The following PPP1R9A variants were observed in gnomAD, a reference collection of about 807,000 sequenced individuals.
PPP1R9A encodes protein phosphatase 1 regulatory subunit 9A.
Under a neutral mutation model 141.9 loss-of-function variants are expected in PPP1R9A, and 59 were observed. The observed-to-expected ratio is 0.42, with a 90% confidence interval of 0.34 to 0.52. PPP1R9A has a LOEUF of 0.52. Among genes scored for constraint, PPP1R9A ranks in the 20% least tolerant of loss-of-function variants. PPP1R9A has a pLI of 0.10. For missense variants in PPP1R9A, 1,444 were observed against 1,611.9 expected (o/e 0.90, Z 1.78); for synonymous variants, 500 against 569.7 (o/e 0.88, Z 1.74).
intron 16 of PPP1R9A, among the ~76,000 whole-genome samples, chr7:95,277,463 T>G (rs547727246): frequency 6.6e-6 from 1 of 152,216 alleles, no homozygotes. Flanking sequence ...AGTGTCTCAC[T>G]CTGTTGCCCA....
chr7:94,934,985 T>C (rs1292842319), intron 2 of PPP1R9A, among the ~76,000 whole-genome samples: 2 of 152,070 alleles, frequency 1.3e-5, no homozygotes, highest in Non-Finnish European at 2.9e-5. Context: ...CAAGCCTTCC[T>C]AGTAGCTTGG....
chr7:95,269,674 T>A (rs1380805273), intron 14 of PPP1R9A, among the ~76,000 whole-genome samples, 167 bp downstream of exon 14: 1 of 152,176 alleles, frequency 6.6e-6, no homozygotes, highest in Non-Finnish European at 1.5e-5. Flanking sequence ...TATTTTACTT[T>A]AATTTAGTTT....
intron 2 of PPP1R9A, among the ~76,000 whole-genome samples, chr7:95,094,216 T>C (rs914461155): frequency 6.6e-6 from 1 of 152,174 alleles, no homozygotes; most frequent in African/African-American, 2.4e-5. Context: ...AGCCAGATCT[T>C]AGAAGACTTT....
Position 95,250,207 on chromosome 7 carries a change from A to G in PPP1R9A, c.2348A>G (p.Glu783Gly), listed in dbSNP as rs781283934. Residue 783 changes from glutamate to glycine, a missense_variant, in exon 10 of 20, where the codon GAA becomes GGA. By Grantham distance (98) the Glu-to-Gly change is moderately conservative (BLOSUM62 -2). This residue lies in a region of PPP1R9A where 488 missense variants were observed against 542.0 expected (regional missense o/e 0.90). Transcript: ENST00000433360. ...ACTCAAAGCCAGTATCAGGCCTTGG[A>G]AAAGAAATACAACAAGGCAAAGAAG... Reference protein sequence around the residue: ...KETQSQYQALEKKYNKAKKLI... With the variant: ...KETQSQYQALGKKYNKAKKLI... 6.2e-7 allele frequency: 1 copy of G among 1,613,472 alleles called. No individual in the cohort carries two copies. The highest frequency in any genetic ancestry group is 1.1e-5 in the South Asian group (1 of 90,834).
rs1806804721 is a variant in PPP1R9A at position 95,294,365 on chromosome 7, C to G, written c.*4062C>G. The G allele has an allele frequency of 6.7e-6, 1 of 149,060 alleles. No individual in the cohort carries two copies. Among genetic ancestry groups the G allele is most frequent in the Non-Finnish European group, 1.5e-5 (1 of 67,752 alleles). 9.2% of individuals were successfully genotyped at this position (149,060 alleles called of 1,614,324 possible). On this transcript the variant is annotated 3_prime_UTR_variant, in exon 20 of 20. Transcript: ENST00000433360. ...CTTACTGCAGCCTCAAACTCCTGGGCTCAAGTGGTCCTCCTGCTTCAGCTT... is the reference window on the plus strand; with the variant it reads ...CTTACTGCAGCCTCAAACTCCTGGGGTCAAGTGGTCCTCCTGCTTCAGCTT...
At chr7:95,138,819 A>G (rs1826129761) in intron 4 of PPP1R9A, among the ~76,000 whole-genome samples, 2 of 152,238 alleles carry the variant, frequency 1.3e-5, no homozygotes, top group African/African-American at 4.8e-5. Context: ...CACCTAGTAG[A>G]ATGGCTAAAG....
chr7:95,290,335 C>G lies in PPP1R9A; in HGVS notation c.*32C>G, dbSNP rs1385293927. ...CCCTCTTACAGATGATGGAGATGCT[C>G]CAAGAGAAGTCCCCACCTCTTCCTG... On this transcript the variant is annotated 3_prime_UTR_variant, in exon 20 of 20. Coordinates refer to ENST00000433360, the MANE Select transcript of PPP1R9A (RefSeq NM_001166160.2). 1.3e-6 allele frequency: 2 copies of G among 1,577,036 alleles called. No individual in the cohort carries two copies. The highest frequency in any genetic ancestry group is 1.8e-5 in the Admixed American group (1 of 54,716).
At chr7:95,155,515 G>A (rs140941408) in intron 4 of PPP1R9A, 1 of 152,066 alleles carries the variant, frequency 6.6e-6, no homozygotes. Flanking sequence ...GAATCACTTT[G>A]AGGAGAAAGA....
At chr7:95,165,787 C>G (rs1308705432) in intron 5 of PPP1R9A, among the ~76,000 whole-genome samples, 1 of 151,978 alleles carries the variant, frequency 6.6e-6, no homozygotes, top group Non-Finnish European at 1.5e-5. Flanking sequence ...ACAGTGATTG[C>G]TGGGAGAAAA....
At chr7:95,061,643 G>A (rs1205194453) in intron 2 of PPP1R9A, among the ~76,000 whole-genome samples, 1 of 152,106 alleles carries the variant, frequency 6.6e-6, no homozygotes, top group Non-Finnish European at 1.5e-5. Flanking sequence ...GGTTGAGGTG[G>A]GAGGATTGCT....
intron 5 of PPP1R9A, among the ~76,000 whole-genome samples, chr7:95,186,877 A>G (rs1203838617): frequency 6.6e-6 from 1 of 152,090 alleles, no homozygotes; most frequent in East Asian, 1.9e-4. Context: ...ATCATGGTGG[A>G]TTATCTTTTT....
chr7:94,999,349 T>C (rs1802573403), intron 2 of PPP1R9A, among the ~76,000 whole-genome samples: 1 of 152,178 alleles, frequency 6.6e-6, no homozygotes, highest in Non-Finnish European at 1.5e-5. Context: ...TTCATCAGTA[T>C]GGCCTATGGT....
chr7:95,055,559 A>G (rs1451112663), intron 2 of PPP1R9A, among the ~76,000 whole-genome samples: 2 of 152,216 alleles, frequency 1.3e-5, no homozygotes, highest in Non-Finnish European at 2.9e-5. Context: ...CACCAAAGAC[A>G]GGTTAATCTT....
intron 2 of PPP1R9A, among the ~76,000 whole-genome samples, chr7:95,051,843 AT>A (rs11289749): frequency 0.42 from 57,797 of 136,930 alleles, 11,803 homozygotes; most frequent in Middle Eastern, 0.47. Context: ...TTTTATTTTA[AT>A]TTTTTTTTTT....
At chr7:94,943,171 A>AAT (rs1795527467) in intron 2 of PPP1R9A, among the ~76,000 whole-genome samples, 1 of 152,228 alleles carries the variant, frequency 6.6e-6, no homozygotes, top group Non-Finnish European at 1.5e-5. Context: ...TGCTGATTAA[A>AAT]ATAATTTCAT....
intron 8 of PPP1R9A, among the ~76,000 whole-genome samples, chr7:95,244,118 T>C (rs1240613388): frequency 6.6e-6 from 1 of 152,200 alleles, no homozygotes; most frequent in Non-Finnish European, 1.5e-5. Context: ...TTCTGAATAA[T>C]GTGAATTTAC....
chr7:95,284,003 C>G lies in PPP1R9A; in HGVS notation c.3297-15C>G, dbSNP rs763483523. 6.4e-7 allele frequency: 1 copy of G among 1,568,910 alleles called. No individual in the cohort carries two copies. Among genetic ancestry groups the G allele is most frequent in the Non-Finnish European group, 8.6e-7 (1 of 1,158,902 alleles). ...CCTTTCTTTATCTAACACACCCATT[C>G]TTTTCACAAAACAGGATCTTCAGAG... is the stretch of plus-strand genomic sequence containing the variant. On this transcript the variant is annotated splice_polypyrimidine_tract_variant and intron_variant, in intron 16 of 19. Transcript: ENST00000433360.
rs566639127 is a variant in PPP1R9A, at chr7:95,082,230, A to G, written c.1396-29029A>G. Among the ~76,000 whole-genome samples the G allele has an allele frequency of 2.0e-5, 3 of 152,310 alleles. No individual in the cohort carries two copies. In the South Asian group the frequency reaches 6.2e-4, roughly 32 times the overall value. ...AAAATAGGGCTAACCAAAAAACTTA[A>G]TAGGAGAAGCTGGGGAATTAGATGT... On this transcript the variant is annotated intron_variant, in intron 2 of 19. Coordinates refer to ENST00000433360, the MANE Select transcript of PPP1R9A (RefSeq NM_001166160.2).
intron 2 of PPP1R9A, among the ~76,000 whole-genome samples, chr7:94,951,408 A>G (rs1047677436): frequency 6.6e-6 from 1 of 151,994 alleles, no homozygotes; most frequent in African/African-American, 2.4e-5. Context: ...GTTCTCTTCA[A>G]TTGCCATTTA....
Sources: gnomAD v4.1 joint callset for allele counts (sites outside exome capture counted in the v4.1 genomes callset) on GRCh38, gnomAD v4.1.1 for gene constraint, gnomAD v4.1.1 regional missense constraint, MANE v1.5 for transcripts, NCBI Gene and HGNC (gene_info 2026-07-23, HGNC 2026-07-21) for gene names.